Variants in ST3GAL2 observed in about 807,000 individuals in gnomAD.
ST3GAL2 encodes the protein ST3 beta-galactoside alpha-2,3-sialyltransferase 2, also known as CMP-N-acetylneuraminate-beta-galactosamide-alpha-2,3-sialyltransferase 2.
In ST3GAL2, 16 loss-of-function variants were observed where a neutral mutation model predicts 37.5. The observed-to-expected ratio is 0.43, with a 90% CI of 0.29 to 0.65. The LOEUF (loss-of-function observed/expected upper bound fraction) is 0.65. Among genes scored for constraint, ST3GAL2 ranks in the 30% least tolerant of loss-of-function variants. ST3GAL2 has a pLI of 0.17. For missense variants in ST3GAL2, 383 were observed against 487.8 expected, an observed-to-expected ratio of 0.79 and a Z score of 2.02; for synonymous variants, 238 against 202.9, an observed-to-expected ratio of 1.17 and a Z score of -1.47.
At chr16:70,425,398 G>GT (rs961886641) in intron 1 of ST3GAL2, among the ~76,000 whole-genome samples, 4 of 152,056 alleles carry the variant, frequency 2.6e-5, no homozygotes, top group African/African-American at 9.7e-5. Flanking sequence ...GGAGGCAGAG[G>GT]TTGCAGTGAG....
chr16:70,398,375 G>A lies in ST3GAL2; in HGVS notation c.156C>T (p.Pro52=), dbSNP rs200740211. Residue 52 remains proline (P), a synonymous_variant, in exon 2 of 7, where the codon CCC becomes CCT. Transcript: ENST00000342907. ...TGAGGCGCTGCAGGCCGGCATAGCC[G>A]GGCACCAGCTTCACCCGGTGCGTCC... ...LDGTHRVKLV[P]GYAGLQRLSK... is the part of the protein sequence containing the mutation. 3.6e-5 allele frequency: 58 copies of A among 1,613,468 alleles called. No individual in the cohort carries two copies. In the East Asian group the frequency reaches 6.2e-4, roughly 17 times the overall value.
intron 1 of ST3GAL2, among the ~76,000 whole-genome samples, chr16:70,420,318 T>C (rs1407523832): frequency 6.6e-6 from 1 of 152,108 alleles, no homozygotes; most frequent in African/African-American, 2.4e-5. Flanking sequence ...AAGGCCTACA[T>C]GGAACAAGGC....
chr16:70,425,126 T>C (rs2047741276), intron 1 of ST3GAL2, among the ~76,000 whole-genome samples: 1 of 152,008 alleles, frequency 6.6e-6, no homozygotes, highest in Non-Finnish European at 1.5e-5. Flanking sequence ...GTGGAAGGAT[T>C]GCTTGAACCC....
chr16:70,412,429 A>G (rs1362046930), intron 1 of ST3GAL2, among the ~76,000 whole-genome samples: 1 of 152,112 alleles, frequency 6.6e-6, no homozygotes, highest in Non-Finnish European at 1.5e-5. Flanking sequence ...AGGTTGCTTG[A>G]GCCCAGGAGT....
At chr16:70,381,976 G>T in intron 6 of ST3GAL2, 114 bp from the exon 7 acceptor site, 5 of 1,382,856 alleles carry the variant, frequency 3.6e-6, no homozygotes, top group Non-Finnish European at 5.0e-6. Flanking sequence ...AGATGCAGGA[G>T]CCCCCAGGCC....
chr16:70,392,954 C>T (rs2047491666), intron 3 of ST3GAL2, among the ~76,000 whole-genome samples: 1 of 152,084 alleles, frequency 6.6e-6, no homozygotes, highest in South Asian at 2.1e-4. Flanking sequence ...CCAGCTTATC[C>T]ACTGCCATCC....
At position 70,439,022 on chromosome 16, in the gene ST3GAL2, T is replaced by TCGCCGCCGCCGCCGCCGC. The variant is rs567688682; in HGVS notation, c.-1095_-1078dup. 6.4e-6 allele frequency: 1 copy of TCGCCGCCGCCGCCGCCGC among 156,514 alleles called. No individual in the cohort carries two copies. Among genetic ancestry groups the TCGCCGCCGCCGCCGCCGC allele is most frequent in the South Asian group, 1.8e-4 (1 of 5,510 alleles). 9.7% of individuals were successfully genotyped at this position (156,514 alleles called of 1,614,324 possible). On this transcript the variant is annotated 5_prime_UTR_variant, in exon 1 of 7. Coordinates refer to ENST00000342907, the MANE Select transcript of ST3GAL2 (RefSeq NM_006927.4). The stretch of plus-strand genomic sequence containing the variant: ...CCGCCGCCGCCCGCGCAGAAAGCCG[T>TCGCCGCCGCCGCCGCCGC]CGCCGCCGCCGCCGCCGCCGCCGCC...
At chr16:70,394,475 T>C (rs577553717) in intron 3 of ST3GAL2, among the ~76,000 whole-genome samples, 25 of 152,206 alleles carry the variant, frequency 1.6e-4, no homozygotes, top group Middle Eastern at 3.4e-3. Context: ...ACTCCTGGGT[T>C]CAAGCAATCC....
intron 2 of ST3GAL2, among the ~76,000 whole-genome samples, chr16:70,396,852 G>A (rs1405950808): frequency 6.6e-6 from 1 of 152,140 alleles, no homozygotes; most frequent in Non-Finnish European, 1.5e-5. Context: ...CTTGGGGCAA[G>A]GTAGAAGGAA....
At position 70,381,515 on chromosome 16, in the gene ST3GAL2, G is replaced by A. The variant is rs570267278; in HGVS notation, c.*174C>T. On this transcript the variant is annotated 3_prime_UTR_variant, in exon 7 of 7. Transcript: ENST00000342907. ...GCTGGGAGAAACAGAAGCTCCGCCC[G>A]ACCGCAGCGCAGATTGGTGCCAGGC... is the stretch of plus-strand genomic sequence containing the variant. 11 of 727,872 alleles carry A rather than the reference G, an allele frequency of 1.5e-5. No individual in the cohort carries two copies. Among genetic ancestry groups the A allele is most frequent in the African/African-American group, 3.6e-5 (2 of 55,850 alleles). The allele number at this position is 727,872 out of a possible 1,614,324, so 45.1% of individuals were successfully genotyped here.
In ST3GAL2 at chr16:70,435,475, G is replaced by A. The variant is rs1362929836; in HGVS notation, c.-1004+3474C>T. ...TAGATGGGCGTGGTGGCGCATGCCT[G>A]TAATCCCAGCTACTTGGGAGGCTGA... On this transcript the variant is annotated intron_variant, in intron 1 of 6. Coordinates refer to ENST00000342907, the MANE Select transcript of ST3GAL2 (RefSeq NM_006927.4). Among the ~76,000 whole-genome samples the A allele has an allele frequency of 2.0e-5, 3 of 152,128 alleles. No individual in the cohort carries two copies. The East Asian group carries it at 5.8e-4, about 29-fold the overall frequency.
rs532396838 is a variant in ST3GAL2, at chr16:70,424,224, AC to A, written c.-1004+14724del. On this transcript the variant is annotated intron_variant, in intron 1 of 6. Coordinates refer to ENST00000342907, the MANE Select transcript of ST3GAL2 (RefSeq NM_006927.4). Reference sequence around the variant, plus strand: ...TGGTCAGACTGGTCTCGAACTCCCGACCTCAGGTGATCCACCTGCCTCGGCC... The same window carrying A: ...TGGTCAGACTGGTCTCGAACTCCCGACTCAGGTGATCCACCTGCCTCGGCC... Among the ~76,000 whole-genome samples, 695 of 136,894 alleles carry A rather than the reference AC, an allele frequency of 5.1e-3. 7 individuals are homozygous for A. The highest frequency in any genetic ancestry group is 0.018 in the African/African-American group (668 of 37,314). 89.8% of individuals were successfully genotyped at this position (136,894 alleles called of 152,430 possible).
chr16:70,386,682 G>A (rs919706398), intron 4 of ST3GAL2, among the ~76,000 whole-genome samples: 2 of 151,978 alleles, frequency 1.3e-5, no homozygotes, highest in African/African-American at 4.8e-5. Flanking sequence ...TTTTGCTCTT[G>A]TTGCCCAGGC....
intron 1 of ST3GAL2, among the ~76,000 whole-genome samples, chr16:70,435,283 G>C (rs2047817200): frequency 6.6e-6 from 1 of 152,204 alleles, no homozygotes; most frequent in Admixed American, 6.5e-5. Context: ...TAAGGTGGAA[G>C]AAAGTCCCTC....
At chr16:70,388,976 G>A (rs1036281018) in intron 3 of ST3GAL2, among the ~76,000 whole-genome samples, 4 of 149,238 alleles carry the variant, frequency 2.7e-5, no homozygotes, top group Non-Finnish European at 5.9e-5. Flanking sequence ...CTGGGAGACT[G>A]AGGCAGGTGA....
At chr16:70,395,993 T>C (rs1171291994) in intron 2 of ST3GAL2, among the ~76,000 whole-genome samples, 2 of 150,206 alleles carry the variant, frequency 1.3e-5, no homozygotes, top group African/African-American at 4.9e-5. Context: ...TTTTTTGAGA[T>C]AGAGTTTCAC....
At chr16:70,385,322 CAAAA>C (rs941395033) in intron 4 of ST3GAL2, among the ~76,000 whole-genome samples, 5 of 151,676 alleles carry the variant, frequency 3.3e-5, no homozygotes, top group African/African-American at 1.2e-4. Flanking sequence ...AACAAACAAA[CAAAA>C]AAGAATAGTT....
Position 70,381,658 on chromosome 16 carries a change from A to G in ST3GAL2, c.*31T>C. ...GGGCCGGAGCCCCGGTGCCCGATAGATGGGCCGGAAGGGTCGCGGCGAGGC... is the reference window on the plus strand; with the variant it reads ...GGGCCGGAGCCCCGGTGCCCGATAGGTGGGCCGGAAGGGTCGCGGCGAGGC... On this transcript the variant is annotated 3_prime_UTR_variant, in exon 7 of 7. Transcript: ENST00000342907. The G allele has an allele frequency of 1.2e-6, 2 of 1,606,228 alleles. No homozygotes were observed. The highest frequency in any genetic ancestry group is 1.7e-6 in the Non-Finnish European group (2 of 1,175,862).
intron 6 of ST3GAL2, among the ~76,000 whole-genome samples, chr16:70,382,513 ACCTCAAGTAATCCG>A (rs1464274897): frequency 1.3e-5 from 2 of 151,932 alleles, no homozygotes; most frequent in South Asian, 4.1e-4. Flanking sequence ...TGAACTCCTG[ACCTCAAGTAATCCG>A]CCCGCCTCAG....
Sources: gnomAD v4.1 joint callset for allele counts (sites outside exome capture counted in the v4.1 genomes callset) on GRCh38, gnomAD v4.1.1 for gene constraint, MANE v1.5 for transcripts, NCBI Gene and HGNC (gene_info 2026-07-23, HGNC 2026-07-21) for gene names.